Variants in UBAP2 observed in about 807,000 individuals in gnomAD.
The protein encoded by UBAP2 is ubiquitin associated protein 2, also known as ubiquitin-associated protein 2.
In UBAP2, 75 loss-of-function variants were observed where a neutral mutation model predicts 139.6. The ratio of observed to expected loss-of-function variants is 0.54; its 90% CI spans 0.45 to 0.65. The LOEUF is 0.65. UBAP2 is among the 30% of genes least tolerant of loss of function. UBAP2 has a pLI of 0.00. For synonymous variants in UBAP2, 526 were observed against 526.2 expected, an observed-to-expected ratio of 1.00 and a Z score of 0.01; for missense variants, 1,368 against 1,369.6, an observed-to-expected ratio of 1.00 and a Z score of 0.02.
chr9:33,951,316 C>T (rs1826078230), intron 12 of UBAP2, among the ~76,000 whole-genome samples: 1 of 148,326 alleles, frequency 6.7e-6, no homozygotes, highest in African/African-American at 2.5e-5. Flanking sequence ...CCATGCCATG[C>T]CTGGCCTCCC....
chr9:33,940,843 T>G (rs1825141827), intron 16 of UBAP2, among the ~76,000 whole-genome samples: 1 of 152,226 alleles, frequency 6.6e-6, no homozygotes, highest in South Asian at 2.1e-4. Flanking sequence ...ATTTTTAGCA[T>G]TTCTTATCAA....
At chr9:33,940,471 T>C (rs1825110100) in intron 16 of UBAP2, among the ~76,000 whole-genome samples, 1 of 152,186 alleles carries the variant, frequency 6.6e-6, no homozygotes, top group African/African-American at 2.4e-5. Flanking sequence ...TACAAAATAA[T>C]GTCAAGTGAT....
chr9:33,970,181 TTATAATCTCCTAATATC>T lies in UBAP2; in HGVS notation c.679+1453_679+1469del, dbSNP rs531711289. 1.5e-4 allele frequency among the ~76,000 whole-genome samples: 22 copies of T among 151,694 alleles called. No homozygotes were observed. The East Asian group carries it at 4.1e-3, about 28-fold the overall frequency. On this transcript the variant is annotated intron_variant, in intron 8 of 28. Transcript: ENST00000379238. The stretch of plus-strand genomic sequence containing the variant: ...ACTCCTGAGCTCAAGCTGAGTTATC[TTATAATCTCCTAATATC>T]TATATGATCCATATCAATATTCCTT...
chr9:34,038,879 G>A (rs1826732324), intron 1 of UBAP2, among the ~76,000 whole-genome samples: 2 of 148,240 alleles, frequency 1.3e-5, no homozygotes, highest in African/African-American at 5.0e-5. Context: ...GATGTGGGGA[G>A]CGCCTCTGCC....
Position 33,932,623 on chromosome 9 carries a change from A to G in UBAP2, c.2114T>C (p.Leu705Pro), listed in dbSNP as rs746773148. ...SSPLSQLSSSLSSHQSSLSAH... is the reference protein window; with the variant it reads ...SSPLSQLSSSPSSHQSSLSAH... ...AGAGAGGCTGCTCTGGTGGCTGGAG[A>G]GCGAACTAGAAGACAAAACAGAGCG... The change falls in exon 19 of 29, where the codon CTC (leucine) becomes CCC (proline). Residue 705 changes from leucine (L) to proline (P), a missense_variant. Coordinates refer to ENST00000379238, the MANE Select transcript of UBAP2 (RefSeq NM_001370062.2). 1.2e-6 allele frequency: 2 copies of G among 1,613,934 alleles called. No homozygotes were observed. Among genetic ancestry groups the G allele is most frequent in the South Asian group, 1.1e-5 (1 of 91,060 alleles).
chr9:34,042,771 CTTTTT>C (rs370105435), intron 1 of UBAP2, among the ~76,000 whole-genome samples: 2 of 146,900 alleles, frequency 1.4e-5, no homozygotes, highest in African/African-American at 5.0e-5. Flanking sequence ...GTTCATTTTA[CTTTTT>C]TTTTTTAATT....
intron 2 of UBAP2, among the ~76,000 whole-genome samples, chr9:34,015,367 T>C (rs1049246565): frequency 1.6e-4 from 24 of 152,188 alleles, no homozygotes; most frequent in African/African-American, 5.8e-4. Flanking sequence ...TGCCCAGGCT[T>C]GAATGCAGTG....
At chr9:33,950,105 A>G (rs944727272) in intron 12 of UBAP2, among the ~76,000 whole-genome samples, 4 of 152,074 alleles carry the variant, frequency 2.6e-5, no homozygotes, top group Admixed American at 6.6e-5. Flanking sequence ...TCGCTCTGTC[A>G]CCCAGGCTGG....
chr9:33,989,218 T>C (rs79410988), intron 4 of UBAP2, 92 bp from the exon 5 acceptor site: 2 of 1,185,822 alleles, frequency 1.7e-6, no homozygotes, highest in Non-Finnish European at 2.2e-6. Context: ...TTTTTTTTTT[T>C]TTGAGACGGA....
At position 33,922,868 on chromosome 9, in the gene UBAP2, T is replaced by C. The variant is rs143780579; in HGVS notation, c.3083A>G (p.Lys1028Arg). 5.6e-5 allele frequency: 90 copies of C among 1,594,358 alleles called. No homozygotes were observed. In the East Asian group the frequency reaches 2.0e-3, roughly 35 times the overall value. The change falls in exon 28 of 29, where the codon AAG becomes AGG. Residue 1028 changes from lysine to arginine, a missense_variant. Lys to Arg is a conservative substitution (Grantham distance 26). Coordinates refer to ENST00000379238, the MANE Select transcript of UBAP2 (RefSeq NM_001370062.2). ...AGGCGTCCCTGCATGAAATCCCTGC[T>C]TGTCAAAAGTCTACAGGGCAAAGAA... ...SVYNKTQTFDKQGFHAGTPPP... is the reference protein window; with the variant it reads ...SVYNKTQTFDRQGFHAGTPPP...
intron 1 of UBAP2, among the ~76,000 whole-genome samples, chr9:34,020,259 T>C (rs1391818851): frequency 6.6e-6 from 1 of 151,606 alleles, no homozygotes; most frequent in Non-Finnish European, 1.5e-5. Context: ...TCTGTCCCAC[T>C]GGAAGGTCTT....
In UBAP2 at chr9:33,922,677, C is replaced by T; in HGVS notation, c.3264+10G>A. The T allele has an allele frequency of 1.9e-6, 3 of 1,558,966 alleles. No homozygotes were observed. The highest frequency in any genetic ancestry group is 2.6e-6 in the Non-Finnish European group (3 of 1,153,314). ...CAGAGTAGGGTGGCTGCCTCCATCA[C>T]TGTACTCACCTGTGCATCCTGCGGA... is the stretch of plus-strand genomic sequence containing the variant. On this transcript the variant is annotated intron_variant, in intron 28 of 28. Transcript: ENST00000379238.
intron 19 of UBAP2, 171 bp from the exon 20 acceptor site, chr9:33,928,163 C>T: frequency 6.6e-6 from 4 of 608,490 alleles, no homozygotes; most frequent in Non-Finnish European, 1.1e-5. Flanking sequence ...TCACTGCGGC[C>T]CCTCACATAG....
At chr9:33,944,058 G>A (rs985982539) in intron 14 of UBAP2, among the ~76,000 whole-genome samples, 3 of 152,166 alleles carry the variant, frequency 2.0e-5, no homozygotes, top group African/African-American at 7.2e-5. Flanking sequence ...AATGATGAAA[G>A]TATCACCTGG....
intron 8 of UBAP2, among the ~76,000 whole-genome samples, chr9:33,969,921 C>CTTTTT (rs1173625005): frequency 2.2e-5 from 1 of 46,154 alleles, no homozygotes; most frequent in Non-Finnish European, 3.7e-5. Context: ...GTGTATAATT[C>CTTTTT]TTTTTTTTTT....
chr9:34,028,975 G>A (rs1033300794), intron 1 of UBAP2, among the ~76,000 whole-genome samples: 9 of 151,872 alleles, frequency 5.9e-5, no homozygotes, highest in African/African-American at 1.5e-4. Flanking sequence ...AATTAGCCAC[G>A]CTTGGTGGCG....
chr9:33,955,985 T>C (rs781149445), intron 11 of UBAP2, 94 bp downstream of exon 11: 11 of 974,416 alleles, frequency 1.1e-5, no homozygotes, highest in Non-Finnish European at 1.4e-5. Flanking sequence ...AGGGAAAAAA[T>C]AGAAAGAGAC....
At chr9:34,028,301 C>T (rs1587685032) in intron 1 of UBAP2, among the ~76,000 whole-genome samples, 1 of 152,104 alleles carries the variant, frequency 6.6e-6, no homozygotes, top group Admixed American at 6.6e-5. Flanking sequence ...ATTAATTGCC[C>T]ATAGCTGTTT....
chr9:33,964,121 A>C (rs960201012), intron 8 of UBAP2, among the ~76,000 whole-genome samples: 13 of 152,172 alleles, frequency 8.5e-5, no homozygotes, highest in African/African-American at 3.1e-4. Context: ...TTCTGAGTAT[A>C]CACAAGTCTT....
Sources: gnomAD v4.1 joint callset for allele counts (sites outside exome capture counted in the v4.1 genomes callset) on GRCh38, gnomAD v4.1.1 for gene constraint, MANE v1.5 for transcripts, NCBI Gene and HGNC (gene_info 2026-07-23, HGNC 2026-07-21) for gene names.